ZNF804B: variants seen among roughly 807,000 people sequenced by gnomAD.
ZNF804B encodes zinc finger 804B.
A neutral mutation model predicts 101.4 loss-of-function variants in ZNF804B; 80 were observed. The observed-to-expected ratio is 0.79, with a 90% CI of 0.66 to 0.95. ZNF804B has a LOEUF of 0.95. ZNF804B is among the 40% of genes least tolerant of loss of function. The probability of loss-of-function intolerance (pLI) is 0.00; values close to 1 mark genes in which losing one functional copy is unlikely to be tolerated. For missense variants in ZNF804B, 1,673 were observed against 1,561.9 expected, an observed-to-expected ratio of 1.07 and a Z score of -1.20; for synonymous variants, 622 against 558.8, an observed-to-expected ratio of 1.11 and a Z score of -1.59.
intron 1 of ZNF804B, among the ~76,000 whole-genome samples, chr7:88,792,510 C>T (rs1188338852): frequency 6.6e-6 from 1 of 152,082 alleles, no homozygotes; most frequent in Non-Finnish European, 1.5e-5. Context: ...ACCACTTTCA[C>T]ATTCATGCTA....
At chr7:88,821,121 T>C (rs1275743079) in intron 1 of ZNF804B, among the ~76,000 whole-genome samples, 1 of 152,136 alleles carries the variant, frequency 6.6e-6, no homozygotes, top group Non-Finnish European at 1.5e-5. Flanking sequence ...TGACTTAAAA[T>C]ATACAAACAT....
chr7:88,796,479 G>T (rs1381626634), intron 1 of ZNF804B, among the ~76,000 whole-genome samples: 1 of 152,054 alleles, frequency 6.6e-6, no homozygotes, highest in Non-Finnish European at 1.5e-5. Context: ...CCATGTCATT[G>T]CCCAGTCTAG....
intron 2 of ZNF804B, among the ~76,000 whole-genome samples, chr7:89,265,275 TGTGTGTGTGTGTGTGTGTGCGCGTGCGC>T (rs1789770310): frequency 1.0e-5 from 1 of 96,204 alleles, no homozygotes; most frequent in Non-Finnish European, 2.1e-5. Context: ...AGTGTGTGTG[TGTGTGTGTGTGTGTGTGTGCGCGTGCGC>T]GCGCGCACAC....
chr7:89,193,998 T>G (rs1474441324), intron 1 of ZNF804B, among the ~76,000 whole-genome samples: 2 of 152,104 alleles, frequency 1.3e-5, no homozygotes, highest in East Asian at 1.9e-4. Flanking sequence ...TTTTAATGAT[T>G]GCCATTCTAA....
intron 1 of ZNF804B, among the ~76,000 whole-genome samples, chr7:89,024,866 C>T (rs1405894027): frequency 1.3e-5 from 2 of 151,608 alleles, no homozygotes. Context: ...ACTGTTCTAC[C>T]TCAATCACAA....
chr7:89,051,510 T>C (rs965352510), intron 1 of ZNF804B, among the ~76,000 whole-genome samples: 1 of 152,152 alleles, frequency 6.6e-6, no homozygotes, highest in African/African-American at 2.4e-5. Flanking sequence ...AAGTTTGCTA[T>C]TTTACCATTC....
At chr7:89,061,511 T>A (rs1789379077) in intron 1 of ZNF804B, among the ~76,000 whole-genome samples, 1 of 152,086 alleles carries the variant, frequency 6.6e-6, no homozygotes, top group South Asian at 2.1e-4. Flanking sequence ...GAAATGTTTA[T>A]ATTCAAAACA....
intron 1 of ZNF804B, among the ~76,000 whole-genome samples, chr7:89,213,656 C>T (rs1028308433): frequency 7.9e-5 from 12 of 152,128 alleles, no homozygotes; most frequent in African/African-American, 1.9e-4. Flanking sequence ...AATGAGTTAG[C>T]GGAGACAGCC....
intron 1 of ZNF804B, among the ~76,000 whole-genome samples, chr7:89,011,100 G>T (rs886870694): frequency 3.3e-5 from 5 of 152,156 alleles, no homozygotes; most frequent in Non-Finnish European, 7.4e-5. Context: ...ATGGCAGAAG[G>T]CACCTCTTCA....
At chr7:89,100,734 A>G (rs1790042175) in intron 1 of ZNF804B, among the ~76,000 whole-genome samples, 1 of 152,126 alleles carries the variant, frequency 6.6e-6, no homozygotes, top group African/African-American at 2.4e-5. Context: ...ATTGTCACCC[A>G]TAAAGAGATA....
chr7:89,235,042 C>T (rs1789259215), intron 2 of ZNF804B, among the ~76,000 whole-genome samples: 2 of 152,134 alleles, frequency 1.3e-5, no homozygotes, highest in South Asian at 4.2e-4. Context: ...GTGCTTAATC[C>T]AATAAATACT....
At chr7:89,048,766 C>T (rs954094627) in intron 1 of ZNF804B, among the ~76,000 whole-genome samples, 3 of 151,828 alleles carry the variant, frequency 2.0e-5, no homozygotes, top group East Asian at 1.9e-4. Flanking sequence ...GTACAGGTCT[C>T]GTCATTCCTT....
chr7:89,055,507 T>C (rs911266380), intron 1 of ZNF804B, among the ~76,000 whole-genome samples: 3 of 151,606 alleles, frequency 2.0e-5, no homozygotes, highest in Non-Finnish European at 2.9e-5. Context: ...AGAGGAAAAA[T>C]GGAGGGAAAT....
chr7:89,332,095 G>A (rs1790993937), intron 3 of ZNF804B, among the ~76,000 whole-genome samples: 1 of 151,344 alleles, frequency 6.6e-6, no homozygotes, highest in Non-Finnish European at 1.5e-5. Context: ...GAAGGGAAAA[G>A]CATACAAGCA....
intron 1 of ZNF804B, among the ~76,000 whole-genome samples, chr7:89,140,250 T>A (rs1790695699): frequency 2.6e-5 from 4 of 152,146 alleles, no homozygotes; most frequent in Admixed American, 2.6e-4. Flanking sequence ...CTTCCACATA[T>A]AGAGCACAAG....
At chr7:88,911,023 A>G (rs571317403) in intron 1 of ZNF804B, among the ~76,000 whole-genome samples, 4 of 152,156 alleles carry the variant, frequency 2.6e-5, no homozygotes, top group Admixed American at 2.6e-4. Context: ...TGGTCAAATA[A>G]TCAGAGAAAA....
intron 2 of ZNF804B, among the ~76,000 whole-genome samples, chr7:89,262,771 AC>A (rs1416416354): frequency 6.6e-6 from 1 of 152,188 alleles, no homozygotes; most frequent in Non-Finnish European, 1.5e-5. Context: ...CAATCATTAT[AC>A]TTTTATATTT....
At chr7:89,079,910 AT>A (rs1789671091) in intron 1 of ZNF804B, among the ~76,000 whole-genome samples, 1 of 152,052 alleles carries the variant, frequency 6.6e-6, no homozygotes, top group African/African-American at 2.4e-5. Flanking sequence ...GTATTAGGAG[AT>A]AAAAAGAGGA....
intron 2 of ZNF804B, among the ~76,000 whole-genome samples, chr7:89,242,603 G>C (rs1461068727): frequency 2.6e-5 from 4 of 151,194 alleles, no homozygotes; most frequent in African/African-American, 9.7e-5. Flanking sequence ...TAGACACAAA[G>C]AAGCCTTTAG....
Sources: allele counts gnomAD v4.1 joint callset (sites outside exome capture counted in the v4.1 genomes callset), GRCh38; gene constraint gnomAD v4.1.1; transcripts MANE v1.5; gene names NCBI Gene and HGNC (gene_info 2026-07-23, HGNC 2026-07-21).